The following HS6ST3 variants were observed in gnomAD, a reference collection of about 807,000 sequenced individuals.
HS6ST3 encodes heparan-sulfate 6-O-sulfotransferase 3.
In HS6ST3, 12 loss-of-function variants were observed where a neutral mutation model predicts 36.7. That is an observed-to-expected ratio of 0.33 (90% confidence interval 0.21 to 0.53). The LOEUF (loss-of-function observed/expected upper bound fraction) is 0.53. Among genes scored for constraint, HS6ST3 ranks in the 20% least tolerant of loss-of-function variants. HS6ST3 has a pLI of 0.95. For synonymous variants in HS6ST3, 240 were observed against 257.5 expected, an observed-to-expected ratio of 0.93 and a Z score of 0.65; for missense variants, 584 against 640.9, an observed-to-expected ratio of 0.91 and a Z score of 0.96.
intron 1 of HS6ST3, among the ~76,000 whole-genome samples, chr13:96,271,546 T>C (rs1212458829): frequency 6.6e-6 from 1 of 151,852 alleles, no homozygotes; most frequent in South Asian, 2.1e-4. Context: ...CCTTGCTGTA[T>C]CAGTGAGTTT....
chr13:96,306,106 CTTTT>C (rs5805960), intron 1 of HS6ST3, among the ~76,000 whole-genome samples: 1 of 130,284 alleles, frequency 7.7e-6, no homozygotes, highest in African/African-American at 2.9e-5. Context: ...TTTTCTTTTT[CTTTT>C]TTTTTTTTTT....
chr13:96,707,965 G>A (rs1329489327), intron 1 of HS6ST3, among the ~76,000 whole-genome samples: 1 of 152,210 alleles, frequency 6.6e-6, no homozygotes, highest in Non-Finnish European at 1.5e-5. Flanking sequence ...TGGAGTTAGT[G>A]AGGTTTGCTG....
intron 1 of HS6ST3, among the ~76,000 whole-genome samples, chr13:96,182,130 C>T (rs1252037149): frequency 6.6e-5 from 10 of 152,186 alleles, no homozygotes; most frequent in Non-Finnish European, 8.8e-5. Context: ...TATTGGTCCA[C>T]GCCTCTTGAG....
chr13:96,234,595 G>C (rs1244624891), intron 1 of HS6ST3, among the ~76,000 whole-genome samples: 2 of 152,110 alleles, frequency 1.3e-5, no homozygotes, highest in Non-Finnish European at 2.9e-5. Context: ...AGGCAAGAGA[G>C]AATGTGAAGG....
Position 96,090,227 on chromosome 13 carries a change from G to A in HS6ST3, c.-636G>A, listed in dbSNP as rs964449695. On this transcript the variant is annotated 5_prime_UTR_variant, in exon 1 of 2. Coordinates refer to ENST00000376705, the MANE Select transcript of HS6ST3 (RefSeq NM_153456.4). ...CGCCGGGAGAGGCGTCTCCGCAGAG[G>A]CGCCTCGCCCGCTGCCGCTGCGCTG... is the stretch of plus-strand genomic sequence containing the variant. 7.3e-5 allele frequency among the ~76,000 whole-genome samples: 11 copies of A among 151,300 alleles called. No homozygotes were observed. Among genetic ancestry groups the A allele is most frequent in the African/African-American group, 2.4e-4 (10 of 41,484 alleles).
chr13:96,377,690 G>A (rs1302838817), intron 1 of HS6ST3, among the ~76,000 whole-genome samples: 3 of 152,158 alleles, frequency 2.0e-5, no homozygotes, highest in East Asian at 1.9e-4. Flanking sequence ...TGACATCTCT[G>A]TTGTTTCCAT....
At chr13:96,113,153 T>C (rs551280289) in intron 1 of HS6ST3, among the ~76,000 whole-genome samples, 2 of 152,264 alleles carry the variant, frequency 1.3e-5, no homozygotes, top group South Asian at 4.1e-4. Context: ...TAAATCACCA[T>C]CCAAGGATGA....
intron 1 of HS6ST3, among the ~76,000 whole-genome samples, chr13:96,682,934 A>C (rs2056723211): frequency 1.3e-5 from 2 of 152,124 alleles, no homozygotes; most frequent in Admixed American, 6.6e-5. Context: ...ATAAACAATA[A>C]ATTAATTACC....
intron 1 of HS6ST3, among the ~76,000 whole-genome samples, chr13:96,771,924 A>G (rs1410296059): frequency 6.6e-6 from 1 of 152,246 alleles, no homozygotes; most frequent in African/African-American, 2.4e-5. Context: ...ATGAAATACT[A>G]TGAAATACAG....
intron 1 of HS6ST3, among the ~76,000 whole-genome samples, chr13:96,180,988 A>C (rs1030428603): frequency 6.6e-6 from 1 of 152,158 alleles, no homozygotes; most frequent in Non-Finnish European, 1.5e-5. Flanking sequence ...TTGCCACAAC[A>C]TACTTAATTT....
Position 96,817,884 on chromosome 13 carries a change from G to A in HS6ST3, c.708-14606G>A, listed in dbSNP as rs1015247353. Among the ~76,000 whole-genome samples the A allele has an allele frequency of 4.6e-5, 7 of 152,012 alleles. No homozygotes were observed. The South Asian group carries it at 8.3e-4, about 18-fold the overall frequency. ...TGTTATTCTGTTGCTTAAGGGATGC[G>A]CCCCCTCCCAACACACCATTTTAAT... On this transcript the variant is annotated intron_variant, in intron 1 of 1. Transcript: ENST00000376705.
intron 1 of HS6ST3, among the ~76,000 whole-genome samples, chr13:96,825,331 TTGGATGAAGATACTAGCTC>T (rs1435775796): frequency 3.9e-5 from 6 of 152,166 alleles, no homozygotes; most frequent in African/African-American, 1.4e-4. Flanking sequence ...ATTCTACCAT[TTGGATGAAGATACTAGCTC>T]TGCCTTTTAT....
chr13:96,416,665 T>C, intron 1 of HS6ST3, among the ~76,000 whole-genome samples: 1 of 151,900 alleles, frequency 6.6e-6, no homozygotes, highest in East Asian at 1.9e-4. Flanking sequence ...AAGTGTATTT[T>C]TTTTTTTTTT....
chr13:96,129,262 C>A (rs2053965501), intron 1 of HS6ST3, among the ~76,000 whole-genome samples: 1 of 152,186 alleles, frequency 6.6e-6, no homozygotes, highest in African/African-American at 2.4e-5. Context: ...AGGCAACAGC[C>A]TGAGTGGTTT....
At chr13:96,754,533 C>T (rs1036062792) in intron 1 of HS6ST3, among the ~76,000 whole-genome samples, 1 of 152,192 alleles carries the variant, frequency 6.6e-6, no homozygotes, top group African/African-American at 2.4e-5. Context: ...ATACGGGTGA[C>T]ATCCCTCTTT....
At position 96,798,952 on chromosome 13, in the gene HS6ST3, C is replaced by T. The variant is rs190287390; in HGVS notation, c.708-33538C>T. 3.9e-5 allele frequency among the ~76,000 whole-genome samples: 6 copies of T among 152,012 alleles called. No homozygotes were observed. The East Asian group carries it at 1.2e-3, about 29-fold the overall frequency. On this transcript the variant is annotated intron_variant, in intron 1 of 1. Transcript: ENST00000376705. ...TGGTCTTTTTTCTGTACATATGTAC[C>T]CCAGTGTCCCTTTGTGTCCAGATTG...
At chr13:96,682,762 CTT>C in intron 1 of HS6ST3, among the ~76,000 whole-genome samples, 1 of 152,158 alleles carries the variant, frequency 6.6e-6, no homozygotes, top group South Asian at 2.1e-4. Context: ...TTTCTTTTAT[CTT>C]TACCATGATG....
At chr13:96,170,420 A>C (rs1330042419) in intron 1 of HS6ST3, among the ~76,000 whole-genome samples, 1 of 152,254 alleles carries the variant, frequency 6.6e-6, no homozygotes, top group East Asian at 1.9e-4. Flanking sequence ...ACTTGATGTC[A>C]GAGTAGCACA....
intron 1 of HS6ST3, among the ~76,000 whole-genome samples, chr13:96,583,299 C>T (rs1415318607): frequency 2.1e-5 from 3 of 140,996 alleles, no homozygotes; most frequent in Non-Finnish European, 3.0e-5. Context: ...CTGCAACCTC[C>T]ACCTCCCAAG....
Sources: allele counts gnomAD v4.1 joint callset (sites outside exome capture counted in the v4.1 genomes callset), GRCh38; gene constraint gnomAD v4.1.1; transcripts MANE v1.5; gene names NCBI Gene and HGNC (gene_info 2026-07-23, HGNC 2026-07-21).